OPHN1: variants seen among roughly 807,000 people sequenced by gnomAD.
The protein encoded by OPHN1 is oligophrenin-1.
A neutral mutation model predicts 60.7 loss-of-function variants in OPHN1; 11 were observed. The ratio of observed to expected loss-of-function variants is 0.18; its 90% CI spans 0.11 to 0.30. The LOEUF is 0.30. Among genes scored for constraint, OPHN1 ranks in the 10% least tolerant of loss-of-function variants. OPHN1 has a pLI of 1.00. For missense variants in OPHN1, 449 were observed against 611.0 expected (o/e 0.73, Z 2.80); for synonymous variants, 226 against 222.6 (o/e 1.02, Z -0.14).
rs1165905586 is a variant in OPHN1, at chrX:68,222,154, T to C, written c.487-8182A>G. Among the ~76,000 whole-genome samples, 45 of 109,229 alleles carry C rather than the reference T, an allele frequency of 4.1e-4. No homozygotes were observed. The Admixed American group carries it at 4.3e-3, about 10-fold the overall frequency. The allele number at this position is 109,229 out of a possible 115,157, so 94.9% of individuals were successfully genotyped here. On this transcript the variant is annotated intron_variant, in intron 6 of 24. Transcript: ENST00000355520. ...GACACTCCTCAAAAGAAGACATTTA[T>C]GCAGCCAAAAAACACATGAAAAAAT...
At chrX:68,181,588 G>A (rs1165681399) in intron 15 of OPHN1, among the ~76,000 whole-genome samples, 1 of 111,166 alleles carries the variant, frequency 9.0e-6, no homozygotes, top group Non-Finnish European at 1.9e-5. Flanking sequence ...ACTTTAAGAG[G>A]CCGAGGCAGG....
intron 16 of OPHN1, among the ~76,000 whole-genome samples, chrX:68,118,266 G>A (rs1437707812): frequency 3.6e-5 from 4 of 111,294 alleles, no homozygotes; most frequent in Admixed American, 2.9e-4. Context: ...TAGTACACTC[G>A]GTTAATGGGA....
intron 6 of OPHN1, among the ~76,000 whole-genome samples, chrX:68,226,141 T>C (rs564956046): frequency 1.8e-5 from 2 of 110,841 alleles, no homozygotes; most frequent in East Asian, 2.8e-4. Flanking sequence ...TGATGGAAGA[T>C]GAAATGAATG....
At chrX:68,335,560 CCA>C (rs1569284063) in intron 2 of OPHN1, among the ~76,000 whole-genome samples, 1 of 112,061 alleles carries the variant, frequency 8.9e-6, no homozygotes, top group African/African-American at 3.2e-5. Flanking sequence ...CGAAATCTAT[CCA>C]CAGTGTCACA....
chrX:68,256,112 T>G (rs753461757), intron 5 of OPHN1, among the ~76,000 whole-genome samples: 1 of 111,150 alleles, frequency 9.0e-6, no homozygotes, highest in Non-Finnish European at 1.9e-5. Context: ...TGGTCCAGCT[T>G]GAGGAGGTAG....
In OPHN1 at chrX:68,308,760, C is replaced by A. The variant is rs139342634; in HGVS notation, c.155-9664G>T. Among the ~76,000 whole-genome samples, 674 of 110,694 alleles carry A rather than the reference C, an allele frequency of 6.1e-3. 8 individuals are homozygous for A. Among genetic ancestry groups the A allele is most frequent in the African/African-American group, 0.021 (651 of 30,480 alleles). On this transcript the variant is annotated intron_variant, in intron 2 of 24. Coordinates refer to ENST00000355520, the MANE Select transcript of OPHN1 (RefSeq NM_002547.3). ...CCTATAAATTTGAAGTGAAACTAGA[C>A]TAGGACAGTGGTTCTCGCACTTGTT... is the stretch of plus-strand genomic sequence containing the variant.
At chrX:68,309,244 A>C (rs761605904) in intron 2 of OPHN1, among the ~76,000 whole-genome samples, 1 of 111,786 alleles carries the variant, frequency 8.9e-6, no homozygotes, top group South Asian at 3.8e-4. Context: ...GATAATCCTC[A>C]AGGTCTCTTC....
chrX:68,058,681 T>C (rs2076882468), intron 21 of OPHN1, among the ~76,000 whole-genome samples: 1 of 112,164 alleles, frequency 8.9e-6, no homozygotes, highest in African/African-American at 3.2e-5. Context: ...GGTTGTTACC[T>C]AGTAATACTA....
intron 2 of OPHN1, among the ~76,000 whole-genome samples, chrX:68,405,963 G>A (rs2078740655): frequency 9.1e-6 from 1 of 109,318 alleles, no homozygotes; most frequent in African/African-American, 3.3e-5. Flanking sequence ...GGCCAACATG[G>A]TAAAAACCCC....
At chrX:68,318,011 T>A (rs2078217519) in intron 2 of OPHN1, among the ~76,000 whole-genome samples, 1 of 112,244 alleles carries the variant, frequency 8.9e-6, no homozygotes, top group Admixed American at 9.5e-5. Flanking sequence ...ACTGATAGTC[T>A]GTAAAACAAC....
At chrX:68,090,630 G>A (rs751048921) in intron 19 of OPHN1, among the ~76,000 whole-genome samples, 32 of 110,607 alleles carry the variant, frequency 2.9e-4, no homozygotes, top group Non-Finnish European at 5.7e-4. Context: ...ACATTGCTAC[G>A]ACATGGGCTT....
In OPHN1 at chrX:68,263,965, G is replaced by A. The variant is rs926850651; in HGVS notation, c.384+10773C>T. Among the ~76,000 whole-genome samples, 5 of 111,837 alleles carry A rather than the reference G, an allele frequency of 4.5e-5. No homozygotes were observed. In the East Asian group the frequency reaches 1.4e-3, roughly 31 times the overall value. ...CCACTTACAGTGCAACGAGTTCTGT[G>A]TACTGTATTTCTAGTACTCAGCGGA... On this transcript the variant is annotated intron_variant, in intron 5 of 24. Transcript: ENST00000355520.
intron 20 of OPHN1, among the ~76,000 whole-genome samples, chrX:68,065,132 AAAGTAT>A (rs983102815): frequency 9.0e-6 from 1 of 111,587 alleles, no homozygotes; most frequent in Non-Finnish European, 1.9e-5. Context: ...CCTAGAACTT[AAAGTAT>A]AATAATAATA....
intron 15 of OPHN1, among the ~76,000 whole-genome samples, chrX:68,125,658 A>G (rs1356613428): frequency 9.2e-6 from 1 of 109,234 alleles, no homozygotes; most frequent in Non-Finnish European, 1.9e-5. Context: ...GAACCGACCA[A>G]TAACAAGGAA....
chrX:68,392,825 A>T (rs1366382756), intron 2 of OPHN1, among the ~76,000 whole-genome samples: 2 of 108,411 alleles, frequency 1.8e-5, no homozygotes, highest in Admixed American at 9.9e-5. Flanking sequence ...ACTCCAGGGG[A>T]AGATCATCTT....
chrX:68,181,984 G>A (rs964127858), intron 15 of OPHN1, among the ~76,000 whole-genome samples: 7 of 111,574 alleles, frequency 6.3e-5, no homozygotes, highest in Non-Finnish European at 1.3e-4. Flanking sequence ...AGCCATTAAA[G>A]CAAGTATTTC....
chrX:68,361,203 C>A (rs1056080195), intron 2 of OPHN1: 2 of 111,410 alleles, frequency 1.8e-5, no homozygotes, highest in Non-Finnish European at 3.8e-5. Context: ...AAAATAAGGC[C>A]AGGCACAGTG....
chrX:68,139,306 A>G (rs763599958), intron 15 of OPHN1, among the ~76,000 whole-genome samples: 25 of 112,109 alleles, frequency 2.2e-4, no homozygotes, highest in Non-Finnish European at 4.5e-4. Flanking sequence ...TTTGCTTTTT[A>G]GTGTGAAAAT....
rs760181290 is a variant in OPHN1 at position 68,053,683 on chromosome X, A to G, written c.2286T>C (p.Asp762=). 17 of 1,211,368 alleles carry G rather than the reference A, an allele frequency of 1.4e-5. No homozygotes were observed. In the South Asian group the frequency reaches 3.0e-4, roughly 21 times the overall value. ...TTTCCCCCGCATTGCCAGCCACAAT[A>G]TCTGGCTTTGGTTCTGGCTTTTGGG... is the stretch of plus-strand genomic sequence containing the variant. ...ATPQKPEPKP[D]IVAGNAGEIT... is the part of the protein sequence containing the mutation. Residue 762 remains aspartate (D), a synonymous_variant, in exon 22 of 25, where the codon GAT becomes GAC. Transcript: ENST00000355520.
Sources: allele counts gnomAD v4.1 joint callset (sites outside exome capture counted in the v4.1 genomes callset), GRCh38; gene constraint gnomAD v4.1.1; transcripts MANE v1.5; gene names NCBI Gene and HGNC (gene_info 2026-07-23, HGNC 2026-07-21).